Variants in PPP1R15B observed in about 807,000 individuals in gnomAD.
PPP1R15B encodes protein phosphatase 1, regulatory (inhibitor) subunit 15B.
PPP1R15B carries 31 observed loss-of-function variants against 53.9 expected under a neutral mutation model. The ratio of observed to expected loss-of-function variants is 0.58; its 90% CI spans 0.43 to 0.78. PPP1R15B has a LOEUF of 0.78. PPP1R15B is among the 30% of genes least tolerant of loss of function. PPP1R15B has a pLI of 0.00. For synonymous variants in PPP1R15B, 345 were observed against 329.1 expected, an observed-to-expected ratio of 1.05 and a Z score of -0.52; for missense variants, 928 against 849.6, an observed-to-expected ratio of 1.09 and a Z score of -1.15.
At chr1:204,407,135 T>C (rs1674279948) in intron 1 of PPP1R15B, among the ~76,000 whole-genome samples, 1 of 152,262 alleles carries the variant, frequency 6.6e-6, no homozygotes, top group African/African-American at 2.4e-5. Context: ...TTTTGCTTAC[T>C]TCTATTCTTT....
chr1:204,409,604 G>C lies in PPP1R15B; in HGVS notation c.1808C>G (p.Thr603Ser), dbSNP rs1440020913. The C allele has an allele frequency of 1.9e-6, 3 of 1,614,022 alleles. No individual in the cohort carries two copies. The highest frequency in any genetic ancestry group is 1.3e-5 in the African/African-American group (1 of 74,912). Residue 603 changes from threonine (T) to serine (S), a missense_variant, in exon 1 of 2, where the codon ACC (threonine) becomes AGC (serine). Physicochemically the swap from Thr to Ser is moderately conservative, Grantham distance 58. Coordinates refer to ENST00000367188, the MANE Select transcript of PPP1R15B (RefSeq NM_032833.5). ...ESIVAISECH[T>S]LLSCKVQLLG... ...CAGCTGCACCTTACAAGAAAGTAAG[G>C]TGTGACACTCAGAAATGGCCACAAT...
chr1:204,399,962 A>G (rs1318859528), downstream of PPP1R15B, among the ~76,000 whole-genome samples: 1 of 152,018 alleles, frequency 6.6e-6, no homozygotes, highest in Non-Finnish European at 1.5e-5. Flanking sequence ...AAAAGGAGGT[A>G]TGGCTGGACC....
downstream of PPP1R15B, among the ~76,000 whole-genome samples, chr1:204,398,439 C>G (rs1388451856): frequency 1.3e-5 from 2 of 152,112 alleles, no homozygotes; most frequent in Non-Finnish European, 2.9e-5. Flanking sequence ...TATGACCGTG[C>G]CACTGTACTC....
rs1237041367 is a variant in PPP1R15B, at chr1:204,410,738, G to C, written c.674C>G (p.Pro225Arg). ...NFSVVSYLLN[P>R]SYLDCFPRLE... is the part of the protein sequence containing the mutation. ...CCTAGGAAAGCAGTCCAGGTAGGAA[G>C]GGTTCAGCAAATAGGATACCACACT... The change falls in exon 1 of 2, where the codon CCT becomes CGT. Residue 225 changes from proline (P) to arginine (R), a missense_variant. Transcript: ENST00000367188. The C allele has an allele frequency of 6.2e-7, 1 of 1,614,204 alleles. No individual in the cohort carries two copies. The highest frequency in any genetic ancestry group is 8.5e-7 in the Non-Finnish European group (1 of 1,180,034).
chr1:204,406,379 C>A, intron 1 of PPP1R15B, 66 bp from the exon 2 acceptor site: 1 of 1,548,894 alleles, frequency 6.5e-7, no homozygotes, highest in East Asian at 2.3e-5. Flanking sequence ...AGGTCAATAA[C>A]CCTTTATGCT....
Position 204,411,346 on chromosome 1 carries a change from T to C in PPP1R15B, c.66A>G (p.Pro22=), listed in dbSNP as rs762029226. The C allele has an allele frequency of 3.7e-6, 6 of 1,613,870 alleles. No individual in the cohort carries two copies. Among genetic ancestry groups the C allele is most frequent in the Non-Finnish European group, 5.1e-6 (6 of 1,180,004 alleles). Residue 22 remains proline (P), a synonymous_variant, in exon 1 of 2, where the codon CCA becomes CCG. Coordinates refer to ENST00000367188, the MANE Select transcript of PPP1R15B (RefSeq NM_032833.5). ...CTTGCGATCGCCGAGGGAAAAAGGG[T>C]GGCCAGAACCGGAAGCCCGCCCGAG... The part of the protein sequence containing the change: ...LGPRAGFRFW[P]PFFPRRSQAG...
chr1:204,399,344 T>G (rs113807154), downstream of PPP1R15B, among the ~76,000 whole-genome samples: 1 of 152,262 alleles, frequency 6.6e-6, no homozygotes, highest in African/African-American at 2.4e-5. Flanking sequence ...AGGCAGCTCA[T>G]GAGCCCAAGA....
Position 204,405,237 on chromosome 1 carries a change from A to T in PPP1R15B, c.*855T>A. The stretch of plus-strand genomic sequence containing the variant: ...TCTAGGCTTTTAAGTTTAAAAAATA[A>T]ATGATTATGATGTAATTATTACTTT... On this transcript the variant is annotated 3_prime_UTR_variant, in exon 2 of 2. Coordinates refer to ENST00000367188, the MANE Select transcript of PPP1R15B (RefSeq NM_032833.5). 1.0e-6 allele frequency: 1 copy of T among 979,194 alleles called. No homozygotes were observed. Among genetic ancestry groups the T allele is most frequent in the Non-Finnish European group, 1.2e-6 (1 of 823,828 alleles). The allele number at this position is 979,194 out of a possible 1,614,324, so 60.7% of individuals were successfully genotyped here. A position where few individuals can be genotyped will look rare whatever the true frequency, so the allele number is the denominator to read the frequency against.
chr1:204,398,067 G>T (rs1431644476), downstream of PPP1R15B, among the ~76,000 whole-genome samples: 3 of 152,210 alleles, frequency 2.0e-5, no homozygotes, highest in Non-Finnish European at 4.4e-5. Context: ...TTGAGTTAAA[G>T]AAAAGTGTAT....
chr1:204,411,368 C>A lies in PPP1R15B; in HGVS notation c.44G>T (p.Arg15Leu), dbSNP rs1201714760. Reference sequence around the variant, plus strand: ...GGGTGGCCAGAACCGGAAGCCCGCCCGAGGGCCAAGCCGTTTCCGCGATCC... The same window carrying A: ...GGGTGGCCAGAACCGGAAGCCCGCCAGAGGGCCAAGCCGTTTCCGCGATCC... Reference protein sequence around the residue: ...TGGSRKRLGPRAGFRFWPPFF... With the variant: ...TGGSRKRLGPLAGFRFWPPFF... Residue 15 changes from arginine to leucine, a missense_variant, in exon 1 of 2, where the codon CGG becomes CTG. Coordinates refer to ENST00000367188, the MANE Select transcript of PPP1R15B (RefSeq NM_032833.5). 1.2e-6 allele frequency: 2 copies of A among 1,613,526 alleles called. No homozygotes were observed. The highest frequency in any genetic ancestry group is 1.1e-5 in the South Asian group (1 of 91,072).
downstream of PPP1R15B, among the ~76,000 whole-genome samples, chr1:204,402,575 C>A (rs1265013563): frequency 6.6e-6 from 1 of 151,852 alleles, no homozygotes; most frequent in Non-Finnish European, 1.5e-5. Flanking sequence ...TGTGCGCCAC[C>A]ATGGGCCAGT....
downstream of PPP1R15B, among the ~76,000 whole-genome samples, chr1:204,400,388 C>T (rs966432614): frequency 6.6e-6 from 1 of 151,578 alleles, no homozygotes; most frequent in African/African-American, 2.4e-5. Flanking sequence ...CTTTGTCGTG[C>T]AGGCTGCAGT....
In PPP1R15B at chr1:204,411,129, T is replaced by C; in HGVS notation, c.283A>G (p.Arg95Gly). The C allele has an allele frequency of 6.2e-7, 1 of 1,614,262 alleles. No individual in the cohort carries two copies. The highest frequency in any genetic ancestry group is 2.2e-5 in the East Asian group (1 of 44,884). The change falls in exon 1 of 2, where the codon AGA (arginine) becomes GGA (glycine). Residue 95 changes from arginine to glycine, a missense_variant. By Grantham distance (125) the Arg-to-Gly change is moderately radical (BLOSUM62 -2). Transcript: ENST00000367188. ...SQLFGGMFPT[R>G]WLDFAGVYSA... is the part of the protein sequence containing the mutation. Reference sequence around the variant, plus strand: ...TAGACTCCAGCAAAATCTAGCCATCTGGTCGGAAACATTCCACCGAAAAGT... The same window carrying C: ...TAGACTCCAGCAAAATCTAGCCATCCGGTCGGAAACATTCCACCGAAAAGT...
rs1306388500 is a variant in PPP1R15B at position 204,404,319 on chromosome 1, T to C, written c.*1773A>G. 4.4e-6 allele frequency: 3 copies of C among 684,104 alleles called. No individual in the cohort carries two copies. Among genetic ancestry groups the C allele is most frequent in the Non-Finnish European group, 5.4e-6 (3 of 555,322 alleles). The allele number at this position is 684,104 out of a possible 1,614,324, so 42.4% of individuals were successfully genotyped here. On this transcript the variant is annotated 3_prime_UTR_variant, in exon 2 of 2. Coordinates refer to ENST00000367188, the MANE Select transcript of PPP1R15B (RefSeq NM_032833.5). The stretch of plus-strand genomic sequence containing the variant: ...CAACATAGCGAAACCCCGTCTCTAC[T>C]AAAAAGACACAAAAAATTAGCCGGG...
At position 204,406,168 on chromosome 1, in the gene PPP1R15B, A is replaced by G. The variant is rs1490533173; in HGVS notation, c.2066T>C (p.Phe689Ser). ...ATTAAACATTCTTTCTCTGTGTTCA[A>G]ATGTCAAGCAATATCCAATAGCATC... is the stretch of plus-strand genomic sequence containing the variant. ...TEDAIGYCLT[F>S]EHRERMFNRL... The change falls in exon 2 of 2, where the codon TTT becomes TCT. Residue 689 changes from phenylalanine to serine, a missense_variant. Physicochemically the swap from Phe to Ser is radical, Grantham distance 155 (BLOSUM62 -2). Coordinates refer to ENST00000367188, the MANE Select transcript of PPP1R15B (RefSeq NM_032833.5). The G allele has an allele frequency of 1.2e-6, 2 of 1,614,034 alleles. No homozygotes were observed. The highest frequency in any genetic ancestry group is 2.7e-5 in the African/African-American group (2 of 74,926).
downstream of PPP1R15B, among the ~76,000 whole-genome samples, chr1:204,396,317 G>A (rs564743228): frequency 2.7e-5 from 4 of 150,380 alleles, no homozygotes; most frequent in South Asian, 4.2e-4. Context: ...AGACTAGCCT[G>A]GGCAACATGC....
Position 204,405,146 on chromosome 1 carries a change from T to C in PPP1R15B, c.*946A>G. On this transcript the variant is annotated 3_prime_UTR_variant, in exon 2 of 2. Transcript: ENST00000367188. ...ATGATATTCATTAACACTGGTTTTC[T>C]GTTGAGAACATATACACCAAAACCA... The C allele has an allele frequency of 1.0e-6, 1 of 985,884 alleles. No individual in the cohort carries two copies. Among genetic ancestry groups the C allele is most frequent in the Non-Finnish European group, 1.2e-6 (1 of 829,912 alleles). 61.1% of individuals were successfully genotyped at this position (985,884 alleles called of 1,614,324 possible).
intron 1 of PPP1R15B, 48 bp downstream of exon 1, chr1:204,409,443 AT>A: frequency 1.3e-6 from 2 of 1,542,762 alleles, no homozygotes; most frequent in Non-Finnish European, 1.7e-6. Flanking sequence ...ATTTAAGCAT[AT>A]AAAAACAGTC....
downstream of PPP1R15B, among the ~76,000 whole-genome samples, chr1:204,398,227 C>T (rs900061726): frequency 5.3e-5 from 8 of 152,248 alleles, no homozygotes; most frequent in Admixed American, 3.3e-4. Context: ...CCTGTAATCG[C>T]GACACTTTGG....
Sources: gnomAD v4.1 joint callset for allele counts (sites outside exome capture counted in the v4.1 genomes callset) on GRCh38, gnomAD v4.1.1 for gene constraint, MANE v1.5 for transcripts, NCBI Gene and HGNC (gene_info 2026-07-23, HGNC 2026-07-21) for gene names.